SYN2: variants seen among roughly 807,000 people sequenced by gnomAD.
SYN2 encodes the protein synapsin-2.
A neutral mutation model predicts 50.9 loss-of-function variants in SYN2; 19 were observed. The ratio of observed to expected loss-of-function variants is 0.37; its 90% CI spans 0.26 to 0.55. The LOEUF (loss-of-function observed/expected upper bound fraction) is 0.55. Ranked by LOEUF, SYN2 falls within the 20% of genes least tolerant of loss-of-function variation. The pLI is 0.81. For missense variants in SYN2, 587 were observed against 576.4 expected, an observed-to-expected ratio of 1.02 and a Z score of -0.19; for synonymous variants, 255 against 224.9, an observed-to-expected ratio of 1.13 and a Z score of -1.20.
chr3:12,182,631 G>A (rs890191224), intron 10 of SYN2, among the ~76,000 whole-genome samples: 1 of 152,228 alleles, frequency 6.6e-6, no homozygotes, highest in African/African-American at 2.4e-5. Flanking sequence ...TCTAAGGTAA[G>A]GAGGGTTCTG....
chr3:12,126,402 A>G (rs1696672918), intron 1 of SYN2, among the ~76,000 whole-genome samples: 1 of 152,232 alleles, frequency 6.6e-6, no homozygotes, highest in South Asian at 2.1e-4. Flanking sequence ...TTCATGCTGT[A>G]CTACCTTTGT....
chr3:12,139,001 G>A (rs532830832), intron 1 of SYN2, among the ~76,000 whole-genome samples: 24 of 152,256 alleles, frequency 1.6e-4, no homozygotes, highest in African/African-American at 4.1e-4. Flanking sequence ...ATATACTACC[G>A]GGCCCCTGCC....
chr3:12,149,258 C>A (rs1285636363), intron 4 of SYN2, among the ~76,000 whole-genome samples: 1 of 152,138 alleles, frequency 6.6e-6, no homozygotes. Flanking sequence ...GGACAGAGGT[C>A]GTTTGGCAGA....
At chr3:12,144,746 C>T (rs770778617) in intron 3 of SYN2, among the ~76,000 whole-genome samples, 3 of 151,368 alleles carry the variant, frequency 2.0e-5, no homozygotes, top group Admixed American at 6.6e-5. Context: ...ATTGGCCAGG[C>T]GTGGTGGCTC....
Position 12,122,437 on chromosome 3 carries a change from T to C in SYN2, c.378-18214T>C, listed in dbSNP as rs1378377231. On this transcript the variant is annotated intron_variant, in intron 1 of 12. Transcript: ENST00000621198. ...TGTATCAGGCCTCTTGGGATATCTGTCTTGGTAACGCTGGGGCTTTGATTG... is the reference window on the plus strand; with the variant it reads ...TGTATCAGGCCTCTTGGGATATCTGCCTTGGTAACGCTGGGGCTTTGATTG... Among the ~76,000 whole-genome samples the C allele has an allele frequency of 5.3e-5, 8 of 152,326 alleles. No individual in the cohort carries two copies. The East Asian group carries it at 1.3e-3, about 26-fold the overall frequency.
intron 1 of SYN2, among the ~76,000 whole-genome samples, chr3:12,026,381 G>A (rs181482951): frequency 6.6e-6 from 1 of 151,976 alleles, no homozygotes; most frequent in East Asian, 1.9e-4. Flanking sequence ...AAACTGAAAT[G>A]AGCAAAATTT....
chr3:12,010,009 T>G (rs1280454265), intron 1 of SYN2, among the ~76,000 whole-genome samples: 1 of 152,066 alleles, frequency 6.6e-6, no homozygotes, highest in Non-Finnish European at 1.5e-5. Flanking sequence ...GCAGGAGAAT[T>G]TCTTGAACCC....
chr3:12,085,951 A>C (rs1433916390), intron 1 of SYN2, among the ~76,000 whole-genome samples: 1 of 152,148 alleles, frequency 6.6e-6, no homozygotes, highest in East Asian at 1.9e-4. Flanking sequence ...AATATCAATA[A>C]AACTAAAAGT....
chr3:12,110,013 C>A (rs1409843944), intron 1 of SYN2, among the ~76,000 whole-genome samples: 2 of 152,034 alleles, frequency 1.3e-5, no homozygotes, highest in East Asian at 3.9e-4. Context: ...CATAGCAAGA[C>A]CCCATCTCTA....
intron 10 of SYN2, among the ~76,000 whole-genome samples, chr3:12,176,423 G>A (rs1698069747): frequency 6.6e-6 from 1 of 152,234 alleles, no homozygotes; most frequent in South Asian, 2.1e-4. Flanking sequence ...CTGACGGGCT[G>A]AGGTGGGAAC....
At chr3:12,032,368 C>T (rs1694399455) in intron 1 of SYN2, among the ~76,000 whole-genome samples, 1 of 38,614 alleles carries the variant, frequency 2.6e-5, no homozygotes, top group South Asian at 1.4e-3. Context: ...CTTGGAGTTG[C>T]TCTTCTCGAG....
At chr3:12,029,833 T>C (rs1694342250) in intron 1 of SYN2, among the ~76,000 whole-genome samples, 1 of 97,604 alleles carries the variant, frequency 1.0e-5, no homozygotes, top group Non-Finnish European at 1.8e-5. Flanking sequence ...ACAGGGACAA[T>C]TTGACTTCCT....
chr3:12,079,498 GT>G (rs1695542541), intron 1 of SYN2, among the ~76,000 whole-genome samples: 1 of 152,136 alleles, frequency 6.6e-6, no homozygotes, highest in African/African-American at 2.4e-5. Flanking sequence ...TTTATTGAGA[GT>G]TTTTAACGTG....
intron 1 of SYN2, among the ~76,000 whole-genome samples, chr3:12,076,520 A>G (rs1338245202): frequency 2.6e-5 from 4 of 151,880 alleles, no homozygotes; most frequent in African/African-American, 9.7e-5. Flanking sequence ...ATCCGTCATT[A>G]CTAGATAACA....
At chr3:12,071,379 A>T in intron 1 of SYN2, 1 of 556,456 alleles carries the variant, frequency 1.8e-6, no homozygotes, top group Non-Finnish European at 3.6e-6. Flanking sequence ...CCGTAAGCAG[A>T]TGTGTAGCAT....
intron 1 of SYN2, among the ~76,000 whole-genome samples, chr3:12,016,376 A>G (rs901153170): frequency 6.6e-6 from 1 of 152,242 alleles, no homozygotes; most frequent in South Asian, 2.1e-4. Context: ...TCAAATAATT[A>G]TAGAATATAT....
At position 12,071,267 on chromosome 3, in the gene SYN2, C is replaced by T. The variant is rs573144092; in HGVS notation, c.377+66339C>T. 4 of 556,828 alleles carry T rather than the reference C, an allele frequency of 7.2e-6. No individual in the cohort carries two copies. In the East Asian group the frequency reaches 1.8e-4, roughly 25 times the overall value. 34.5% of individuals were successfully genotyped at this position (556,828 alleles called of 1,614,324 possible). ...AAGTACTCTGTGTGGATCTGCAGCT[C>T]CATCCTGGCCTCACTGTCCATCTTC... On this transcript the variant is annotated intron_variant, in intron 1 of 12. Coordinates refer to ENST00000621198, the MANE Select transcript of SYN2 (RefSeq NM_133625.6).
chr3:12,096,331 A>G (rs1398551090), intron 1 of SYN2, among the ~76,000 whole-genome samples: 1 of 152,308 alleles, frequency 6.6e-6, no homozygotes, highest in African/African-American at 2.4e-5. Context: ...GCATTTTCAC[A>G]TTAAAAGACA....
At chr3:12,154,590 A>G (rs1697401903) in intron 5 of SYN2, 6 of 825,008 alleles carry the variant, frequency 7.3e-6, no homozygotes, top group Non-Finnish European at 1.1e-5. Flanking sequence ...CAGTGAAGGG[A>G]CCAATAAATA....
Sources: gnomAD v4.1 joint callset for allele counts (sites outside exome capture counted in the v4.1 genomes callset) on GRCh38, gnomAD v4.1.1 for gene constraint, MANE v1.5 for transcripts, NCBI Gene and HGNC (gene_info 2026-07-23, HGNC 2026-07-21) for gene names.